DGKB: variants seen among roughly 807,000 people sequenced by gnomAD.
DGKB encodes diacylglycerol kinase beta, also known as 90 kDa diacylglycerol kinase.
DGKB carries 67 observed loss-of-function variants against 114.3 expected under a neutral mutation model. The observed-to-expected ratio is 0.59, with a 90% CI of 0.48 to 0.72. The LOEUF is 0.72. DGKB is among the 30% of genes least tolerant of loss of function. The pLI is 0.00. For synonymous variants in DGKB, 398 were observed against 323.1 expected, an observed-to-expected ratio of 1.23 and a Z score of -2.49; for missense variants, 907 against 975.2, an observed-to-expected ratio of 0.93 and a Z score of 0.93.
chr7:14,507,711 A>G (rs1016416154), intron 20 of DGKB, among the ~76,000 whole-genome samples: 1 of 152,190 alleles, frequency 6.6e-6, no homozygotes, highest in Non-Finnish European at 1.5e-5. Context: ...GTCTTGCAGC[A>G]TTCTATGTAC....
At chr7:14,230,511 T>TAA (rs57964301) in intron 23 of DGKB, among the ~76,000 whole-genome samples, 5 of 151,706 alleles carry the variant, frequency 3.3e-5, no homozygotes, top group African/African-American at 9.7e-5. Context: ...CTCCACAAAT[T>TAA]AAAAAACAGG....
At chr7:14,423,593 G>A (rs2128769364) in intron 21 of DGKB, among the ~76,000 whole-genome samples, 1 of 152,112 alleles carries the variant, frequency 6.6e-6, no homozygotes. Context: ...TATATTTTGA[G>A]AGCCTTTACA....
Position 14,685,306 on chromosome 7 carries a change from G to C in DGKB, c.768C>G (p.Ala256=), listed in dbSNP as rs1415084390. The part of the protein sequence containing the change: ...VWRLKHFNKP[A]YCNLCLNMLI... The stretch of plus-strand genomic sequence containing the variant: ...GCATGTTCAGGCAAAGGTTGCAATA[G>C]GCAGGTTTGTTAAAGTGCTTCAGTC... Residue 256 remains alanine, a synonymous_variant, in exon 10 of 26, where the codon GCC becomes GCG. Transcript: ENST00000402815. The C allele has an allele frequency of 6.2e-7, 1 of 1,613,856 alleles. No individual in the cohort carries two copies. Among genetic ancestry groups the C allele is most frequent in the East Asian group, 2.2e-5 (1 of 44,864 alleles).
chr7:14,217,910 A>G (rs1031979622), intron 23 of DGKB, among the ~76,000 whole-genome samples: 1 of 152,090 alleles, frequency 6.6e-6, no homozygotes, highest in African/African-American at 2.4e-5. Flanking sequence ...GTCTGAATCC[A>G]TGGTCCTGTC....
At chr7:14,603,371 A>G (rs1200076592) in intron 17 of DGKB, among the ~76,000 whole-genome samples, 1 of 152,038 alleles carries the variant, frequency 6.6e-6, no homozygotes, top group Non-Finnish European at 1.5e-5. Context: ...TTTGATGAAC[A>G]TTTCCTTAGC....
At chr7:14,409,405 C>T (rs62444637) in intron 21 of DGKB, among the ~76,000 whole-genome samples, 109,439 of 145,848 alleles carry the variant, frequency 0.75, 42,219 homozygotes, top group Middle Eastern at 0.83. Context: ...AAAAATGTCA[C>T]GACATTAAAG....
rs1410295446 is a variant in DGKB, at chr7:14,211,312, T to G, written c.2123-33161A>C. Among the ~76,000 whole-genome samples the G allele has an allele frequency of 6.2e-5, 7 of 113,058 alleles. 1 individual carries two copies. The highest frequency in any genetic ancestry group is 2.2e-4 in the African/African-American group (4 of 18,248). The allele number at this position is 113,058 out of a possible 152,430, so 74.2% of individuals were successfully genotyped here. A position where few individuals can be genotyped will look rare whatever the true frequency, so the allele number is the denominator to read the frequency against. On this transcript the variant is annotated intron_variant, in intron 23 of 25. Transcript: ENST00000402815. ...CTATGTGATATTTACTCTCATGTTT[T>G]GTGATATTTACTCTCATGTTTTGTG...
chr7:14,646,085 T>A (rs1374867104), intron 13 of DGKB, among the ~76,000 whole-genome samples: 2 of 152,080 alleles, frequency 1.3e-5, no homozygotes, highest in Admixed American at 1.3e-4. Flanking sequence ...CTGAATGGAT[T>A]AAAAAACAAC....
chr7:14,719,629 C>T (rs562784903), intron 5 of DGKB, among the ~76,000 whole-genome samples: 1 of 152,060 alleles, frequency 6.6e-6, no homozygotes, highest in East Asian at 1.9e-4. Context: ...TTCTAGAACC[C>T]TGTTCTTAGC....
At chr7:14,833,117 T>C (rs943284494) in intron 2 of DGKB, among the ~76,000 whole-genome samples, 1 of 152,080 alleles carries the variant, frequency 6.6e-6, no homozygotes, top group Non-Finnish European at 1.5e-5. Context: ...TCATTCTGCC[T>C]CTAGATACTC....
chr7:14,176,537 T>G, intron 25 of DGKB: 1 of 1,055,728 alleles, frequency 9.5e-7, no homozygotes, highest in Non-Finnish European at 1.1e-6. Context: ...AGATAAACTT[T>G]TATTAATATT....
At chr7:14,601,111 G>A (rs2128764411) in intron 17 of DGKB, among the ~76,000 whole-genome samples, 1 of 152,320 alleles carries the variant, frequency 6.6e-6, no homozygotes, top group Non-Finnish European at 1.5e-5. Flanking sequence ...TGTGCCTGCA[G>A]AGTTAGCACC....
At chr7:14,185,555 G>C (rs1017986112) in intron 23 of DGKB, among the ~76,000 whole-genome samples, 1 of 151,956 alleles carries the variant, frequency 6.6e-6, no homozygotes, top group Non-Finnish European at 1.5e-5. Flanking sequence ...AGCCCACATA[G>C]ACAAAGCAAG....
intron 4 of DGKB, among the ~76,000 whole-genome samples, chr7:14,750,793 CTTTTTTTTTTTT>C (rs1016534410): frequency 1.4e-3 from 124 of 89,538 alleles, no homozygotes; most frequent in Admixed American, 2.1e-3. Flanking sequence ...ATTTCTATTT[CTTTTTTTTTTTT>C]TTTTTTTTTT....
chr7:14,948,821 G>T (rs36888), intron 1 of DGKB, among the ~76,000 whole-genome samples: 82,005 of 151,460 alleles, frequency 0.54, 24,267 homozygotes, highest in East Asian at 0.88. Flanking sequence ...ACAGCAAAAA[G>T]GGAATCTAGA....
intron 12 of DGKB, among the ~76,000 whole-genome samples, chr7:14,680,950 C>T (rs1255926451): frequency 6.6e-6 from 1 of 151,374 alleles, no homozygotes; most frequent in African/African-American, 2.4e-5. Flanking sequence ...AATAGGTAAA[C>T]AATTGGAGAT....
chr7:14,931,375 G>T (rs1785010971), intron 1 of DGKB, among the ~76,000 whole-genome samples: 1 of 152,136 alleles, frequency 6.6e-6, no homozygotes, highest in Non-Finnish European at 1.5e-5. Context: ...CTCCCAAAGT[G>T]CTGGGATTAC....
chr7:14,347,803 G>A (rs1812736363), intron 21 of DGKB, among the ~76,000 whole-genome samples: 1 of 151,948 alleles, frequency 6.6e-6, no homozygotes, highest in Non-Finnish European at 1.5e-5. Flanking sequence ...TCTATGTGAA[G>A]TCATGGATAT....
chr7:14,152,196 T>C (rs1782313777), intron 25 of DGKB, among the ~76,000 whole-genome samples: 1 of 152,124 alleles, frequency 6.6e-6, no homozygotes, highest in South Asian at 2.1e-4. Context: ...TATATTAAGT[T>C]TCAGCAATCT....
Sources: gnomAD v4.1 joint callset for allele counts (sites outside exome capture counted in the v4.1 genomes callset) on GRCh38, gnomAD v4.1.1 for gene constraint, MANE v1.5 for transcripts, NCBI Gene and HGNC (gene_info 2026-07-23, HGNC 2026-07-21) for gene names.